The following SLC5A6 variants were observed in gnomAD, a reference collection of about 807,000 sequenced individuals.
SLC5A6 encodes solute carrier family 5 member 6, also known as sodium-dependent multivitamin transporter.
A neutral mutation model predicts 67.9 loss-of-function variants in SLC5A6; 31 were observed. That is an observed-to-expected ratio of 0.46 (90% CI 0.34 to 0.62). The LOEUF (loss-of-function observed/expected upper bound fraction) is 0.62. Ranked by LOEUF, SLC5A6 falls within the 20% of genes least tolerant of loss-of-function variation. The probability of loss-of-function intolerance (pLI) is 0.01; values close to 1 mark genes in which losing one functional copy is unlikely to be tolerated. For synonymous variants in SLC5A6, 343 were observed against 331.0 expected (o/e 1.04, Z -0.39); for missense variants, 673 against 812.8 (o/e 0.83, Z 2.09).
At position 27,206,027 on chromosome 2, in the gene SLC5A6, A is replaced by G. The variant is rs1324596389; in HGVS notation, c.578T>C (p.Leu193Pro). 6.2e-7 allele frequency: 1 copy of G among 1,612,800 alleles called. No individual in the cohort carries two copies. Among genetic ancestry groups the G allele is most frequent in the East Asian group, 2.2e-5 (1 of 44,894 alleles). ...CACACCACGGCTTACTGCACTTACC[A>G]GAGCTGTATAGACGGTACAGACAAT... The part of the protein sequence containing the change: ...LGIVCTVYTA[L>P]GGLKAVIWTD... Residue 193 changes from leucine to proline, a missense_variant and splice_region_variant, in exon 6 of 17, where the codon CTG becomes CCG. Coordinates refer to ENST00000310574, the MANE Select transcript of SLC5A6 (RefSeq NM_021095.4).
chr2:27,200,591 G>T lies in SLC5A6; in HGVS notation c.1765-12C>A, dbSNP rs756897395. The stretch of plus-strand genomic sequence containing the variant: ...GTGTCGAGGTGGTCCTGCAAACACA[G>T]AGCCAAAGGGGTGGAACTGGTGAAG... On this transcript the variant is annotated splice_polypyrimidine_tract_variant and intron_variant, in intron 16 of 16. Coordinates refer to ENST00000310574, the MANE Select transcript of SLC5A6 (RefSeq NM_021095.4). The T allele has an allele frequency of 2.9e-5, 46 of 1,607,032 alleles. 2 individuals carry two copies. In the South Asian group the frequency reaches 5.0e-4, roughly 17 times the overall value.
rs1318623750 is a variant in SLC5A6, at chr2:27,212,201, C to T, written c.-389G>A. The T allele has an allele frequency of 1.9e-6, 3 of 1,553,786 alleles. No individual in the cohort carries two copies. In the African/African-American group the frequency reaches 4.1e-5, roughly 21 times the overall value. ...CAGTATCCCCGAAAGAGGGCTAGGG[C>T]GCATGAAGACCAGCGCAGAGCTCCA... On this transcript the variant is annotated 5_prime_UTR_variant, in exon 1 of 17. Transcript: ENST00000310574.
At chr2:27,207,000 A>T in intron 3 of SLC5A6, 58 bp from the exon 4 acceptor site, 1 of 1,417,768 alleles carries the variant, frequency 7.1e-7, no homozygotes, top group Non-Finnish European at 1.0e-6. Flanking sequence ...CTCACAGACA[A>T]ATTCCCTCAA....
chr2:27,205,426 C>G lies in SLC5A6; in HGVS notation c.658G>C (p.Val220Leu), dbSNP rs765253045. 4 of 1,614,108 alleles carry G rather than the reference C, an allele frequency of 2.5e-6. No homozygotes were observed. The highest frequency in any genetic ancestry group is 3.4e-6 in the Non-Finnish European group (4 of 1,179,974). The change falls in exon 7 of 17, where the codon GTG (valine) becomes CTG (leucine). Residue 220 changes from valine to leucine, a missense_variant. By Grantham distance (32) the Val-to-Leu change is conservative. Coordinates refer to ENST00000310574, the MANE Select transcript of SLC5A6 (RefSeq NM_021095.4). ...MFLGQLAVII[V>L]GSAKVGGLGR... ...AAGCCGCCCACCTTGGCTGACCCCA[C>G]AATGATAACTGCCAGCTGCCCGAGG...
chr2:27,207,459 G>A lies in SLC5A6; in HGVS notation c.192C>T (p.Arg64=), dbSNP rs763837506. The change falls in exon 3 of 17, where the codon CGC becomes CGT. Residue 64 remains arginine, a synonymous_variant. Transcript: ENST00000310574. This position sits in a 1 kb window ranked among gnomAD's most constrained non-coding sequence, Gnocchi z 5.5. The stretch of plus-strand genomic sequence containing the variant: ...GTGCCACCGGAAGGCAGCCCATTTT[G>A]CGGTCCGCCATCAGCAGCTCACCAA... The part of the protein sequence containing the change: ...HTVGELLMAD[R]KMGCLPVALS... The A allele has an allele frequency of 5.6e-6, 9 of 1,614,178 alleles. No homozygotes were observed. In the East Asian group the frequency reaches 1.8e-4, roughly 32 times the overall value.
At position 27,210,842 on chromosome 2, in the gene SLC5A6, T is replaced by G. The variant is rs183043657; in HGVS notation, c.-141+625A>C. 5.8e-3 allele frequency among the ~76,000 whole-genome samples: 887 copies of G among 152,002 alleles called. 5 individuals are homozygous for G. Among genetic ancestry groups the G allele is most frequent in the African/African-American group, 0.02 (837 of 41,474 alleles). On this transcript the variant is annotated intron_variant, in intron 2 of 16. Transcript: ENST00000310574. ...ATCGAGACCATCCTGGCTAACACGGTGAAACCCCGTCTCTACTAAAAAATA... is the reference window on the plus strand; with the variant it reads ...ATCGAGACCATCCTGGCTAACACGGGGAAACCCCGTCTCTACTAAAAAATA...
chr2:27,207,917 G>A lies in SLC5A6; in HGVS notation c.-140-127C>T. ...AGTGGTAGCCCTTCAAGGTCTAGAG[G>A]CCCTGGTATGGGTTTGGTAGGGGAC... On this transcript the variant is annotated intron_variant, in intron 2 of 16. Coordinates refer to ENST00000310574, the MANE Select transcript of SLC5A6 (RefSeq NM_021095.4). The surrounding 1 kb of genome is among the most constrained non-coding windows in gnomAD (Gnocchi z 5.5). 2 of 499,482 alleles carry A rather than the reference G, an allele frequency of 4.0e-6. No individual in the cohort carries two copies. Among genetic ancestry groups the A allele is most frequent in the Non-Finnish European group, 7.1e-6 (2 of 280,648 alleles). 30.9% of individuals were successfully genotyped at this position (499,482 alleles called of 1,614,324 possible).
At position 27,207,901 on chromosome 2, in the gene SLC5A6, C is replaced by T. The variant is rs758832715; in HGVS notation, c.-140-111G>A. ...GTGGACCAGCCAGCATAGTGGTAGC[C>T]CTTCAAGGTCTAGAGGCCCTGGTAT... On this transcript the variant is annotated intron_variant, in intron 2 of 16. Coordinates refer to ENST00000310574, the MANE Select transcript of SLC5A6 (RefSeq NM_021095.4). This position sits in a 1 kb window ranked among gnomAD's most constrained non-coding sequence, Gnocchi z 5.5. The T allele has an allele frequency of 1.9e-6, 1 of 536,806 alleles. No homozygotes were observed. The highest frequency in any genetic ancestry group is 1.9e-5 in the African/African-American group (1 of 53,192). 33.3% of individuals were successfully genotyped at this position (536,806 alleles called of 1,614,324 possible). A position where few individuals can be genotyped will look rare whatever the true frequency, so the allele number is the denominator to read the frequency against.
In SLC5A6 at chr2:27,206,475, C is replaced by T. The variant is rs1674075271; in HGVS notation, c.511+8G>A. The T allele has an allele frequency of 6.2e-7, 1 of 1,613,918 alleles. No individual in the cohort carries two copies. The highest frequency in any genetic ancestry group is 8.5e-7 in the Non-Finnish European group (1 of 1,179,808). On this transcript the variant is annotated splice_region_variant and intron_variant, in intron 5 of 16. Coordinates refer to ENST00000310574, the MANE Select transcript of SLC5A6 (RefSeq NM_021095.4). ...CGGCTGAAAGCCAGGGGCTGTGTGA[C>T]TCCTCACCTGCATTGAGAGCCAATG... is the stretch of plus-strand genomic sequence containing the variant.
chr2:27,206,181 G>T (rs1481876161), intron 5 of SLC5A6, 88 bp from the exon 6 acceptor site: 4 of 1,087,116 alleles, frequency 3.7e-6, no homozygotes, highest in Non-Finnish European at 1.4e-6. Context: ...ATGCCACAGA[G>T]ATAAAGCATT....
chr2:27,201,102 C>T lies in SLC5A6; in HGVS notation c.1660G>A (p.Gly554Ser). ...IVSLLTGRMR[G>S]RSLNPATIYP... The stretch of plus-strand genomic sequence containing the variant: ...ATGGTTGCAGGGTTCAGGGACCGGC[C>T]TCGCATTCTCCCTGAATGGAAATGT... Residue 554 changes from glycine to serine, a missense_variant, in exon 16 of 17, where the codon GGC becomes AGC. Coordinates refer to ENST00000310574, the MANE Select transcript of SLC5A6 (RefSeq NM_021095.4). The T allele has an allele frequency of 6.2e-7, 1 of 1,611,866 alleles. No homozygotes were observed. Among genetic ancestry groups the T allele is most frequent in the South Asian group, 1.1e-5 (1 of 90,874 alleles).
upstream of SLC5A6, chr2:27,212,347 C>T: frequency 1.9e-6 from 3 of 1,549,982 alleles, no homozygotes; most frequent in East Asian, 2.4e-5. Flanking sequence ...GCGCGAGCAG[C>T]GGAGCACCAA....
In SLC5A6 at chr2:27,202,095, G is replaced by A. The variant is rs757226644; in HGVS notation, c.1276-21C>T. On this transcript the variant is annotated intron_variant, in intron 12 of 16. Coordinates refer to ENST00000310574, the MANE Select transcript of SLC5A6 (RefSeq NM_021095.4). Reference sequence around the variant, plus strand: ...GCTGCCTAGGAGGACAGGGTGAGAAGAAAAGGAAAAAGAACACAGACTCAG... The same window carrying A: ...GCTGCCTAGGAGGACAGGGTGAGAAAAAAAGGAAAAAGAACACAGACTCAG... 1.3e-5 allele frequency: 21 copies of A among 1,584,706 alleles called. No individual in the cohort carries two copies. In the East Asian group the frequency reaches 4.0e-4, roughly 30 times the overall value.
At chr2:27,204,430 C>A in intron 9 of SLC5A6, 31 bp downstream of exon 9, 2 of 1,592,958 alleles carry the variant, frequency 1.3e-6, no homozygotes, top group Non-Finnish European at 1.7e-6. Context: ...GCCAGGCCTG[C>A]CCTCATGGGA....
In SLC5A6 at chr2:27,204,882, C is replaced by T. The variant is rs756155647; in HGVS notation, c.784G>A (p.Gly262Arg). 1.2e-6 allele frequency: 2 copies of T among 1,614,114 alleles called. No individual in the cohort carries two copies. The highest frequency in any genetic ancestry group is 1.7e-6 in the Non-Finnish European group (2 of 1,180,032). The change falls in exon 8 of 17, where the codon GGG becomes AGG. Residue 262 changes from glycine (G) to arginine (R), a missense_variant. Coordinates refer to ENST00000310574, the MANE Select transcript of SLC5A6 (RefSeq NM_021095.4). ...AAGGAGAGCATCATGAAGACACCCCCGAAGGCCAAGGTCCAGAAGGTGTGC... is the reference window on the plus strand; with the variant it reads ...AAGGAGAGCATCATGAAGACACCCCTGAAGGCCAAGGTCCAGAAGGTGTGC... ...VRHTFWTLAFGGVFMMLSLYG... is the reference protein window; with the variant it reads ...VRHTFWTLAFRGVFMMLSLYG...
chr2:27,210,930 A>T (rs1384687795), intron 2 of SLC5A6, among the ~76,000 whole-genome samples: 1 of 152,178 alleles, frequency 6.6e-6, no homozygotes, highest in Admixed American at 6.5e-5. Flanking sequence ...AGGTTGAGGC[A>T]GGAGAATGGC....
chr2:27,205,116 T>C, intron 7 of SLC5A6, 185 bp from the exon 8 acceptor site: 1 of 740,712 alleles, frequency 1.4e-6, no homozygotes, highest in Admixed American at 2.8e-5. Context: ...GGCTCCATTC[T>C]TCCACCCCAG....
In SLC5A6 at chr2:27,201,762, ATGC is replaced by A. The variant is rs762217736; in HGVS notation, c.1445_1447del (p.Ser482del). On this transcript the variant is annotated inframe_deletion, in exon 14 of 17. Transcript: ENST00000310574. ...GGACCCATTAGAGGGAGAGGGTGGC[ATGC>A]TGGAGCCCATGCTGGTCACGATGCT... The A allele has an allele frequency of 3.7e-6, 6 of 1,614,172 alleles. No individual in the cohort carries two copies. The East Asian group carries it at 1.3e-4, about 36-fold the overall frequency.
chr2:27,207,307 T>G lies in SLC5A6; in HGVS notation c.344A>C (p.His115Pro). Residue 115 changes from histidine to proline, a missense_variant, in exon 3 of 17, where the codon CAC (histidine) becomes CCC (proline). Transcript: ENST00000310574. The surrounding 1 kb of genome is among the most constrained non-coding windows in gnomAD (Gnocchi z 5.5). ...GCGGTAGAAAACGGGGATGAAGATG[T>G]GTGCAGGTATCAGCAGCCCCAGAAA... ...CYFLGLLIPAHIFIPVFYRLH... is the reference protein window; with the variant it reads ...CYFLGLLIPAPIFIPVFYRLH... The G allele has an allele frequency of 6.2e-7, 1 of 1,614,044 alleles. No individual in the cohort carries two copies. The highest frequency in any genetic ancestry group is 8.5e-7 in the Non-Finnish European group (1 of 1,180,026).
Sources: allele counts gnomAD v4.1 joint callset (sites outside exome capture counted in the v4.1 genomes callset), GRCh38; gene constraint gnomAD v4.1.1; non-coding constraint Gnocchi (gnomAD v3.1); transcripts MANE v1.5; gene names NCBI Gene and HGNC (gene_info 2026-07-23, HGNC 2026-07-21).